ANXA8: variants seen among roughly 807,000 people sequenced by gnomAD.
The protein encoded by ANXA8 is VAC-beta.
ANXA8 carries 9 observed loss-of-function variants against 26.8 expected under a neutral mutation model. The ratio of observed to expected loss-of-function variants is 0.34; its 90% CI spans 0.20 to 0.59. The LOEUF (loss-of-function observed/expected upper bound fraction) is 0.59. Ranked by LOEUF, ANXA8 falls within the 20% of genes least tolerant of loss-of-function variation. The pLI is 0.84. For missense variants in ANXA8, 83 were observed against 238.5 expected (o/e 0.35, Z 4.29); for synonymous variants, 39 against 94.8 (o/e 0.41, Z 3.42).
chr10:47,558,529 A>ATGTGTGTGTG, the ANXA8 span, among the ~76,000 whole-genome samples: 295 of 141,576 alleles, frequency 2.1e-3, 1 homozygote, highest in Middle Eastern at 3.5e-3. Context: ...GGGTTTTAAG[A>ATGTGTGTGTG]TGTGTGTGTG....
At chr10:47,626,211 C>T in the ANXA8 span, among the ~76,000 whole-genome samples, 1 of 149,892 alleles carries the variant, frequency 6.7e-6, no homozygotes, top group South Asian at 2.1e-4. Flanking sequence ...TATTTCTTAG[C>T]ATAAAGGATA....
At chr10:47,590,190 C>T in the ANXA8 span, 1 of 146,748 alleles carries the variant, frequency 6.8e-6, no homozygotes, top group Non-Finnish European at 1.5e-5. Flanking sequence ...CATGTTCCAC[C>T]ACCTGCCTGA....
chr10:47,973,022 A>G, the ANXA8 span: 1 of 149,528 alleles, frequency 6.7e-6, no homozygotes, highest in African/African-American at 2.4e-5. Context: ...TGGGGAGGGT[A>G]TATAGGCAAT....
At chr10:47,656,053 G>A in the ANXA8 span, among the ~76,000 whole-genome samples, 1 of 151,584 alleles carries the variant, frequency 6.6e-6, no homozygotes, top group African/African-American at 2.4e-5. Context: ...AAAGGCAGGT[G>A]GTAGCAGATA....
At chr10:47,589,936 G>GATAGATAT in the ANXA8 span, among the ~76,000 whole-genome samples, 1 of 144,908 alleles carries the variant, frequency 6.9e-6, no homozygotes, top group Non-Finnish European at 1.5e-5. Flanking sequence ...TAGATAGATA[G>GATAGATAT]ATAGATAGAT....
chr10:47,882,275 CT>C, the ANXA8 span, among the ~76,000 whole-genome samples: 1 of 55,774 alleles, frequency 1.8e-5, no homozygotes, highest in African/African-American at 5.9e-5. Context: ...TCATGAGTTG[CT>C]GTAAAAAAGG....
chr10:47,658,948 T>G, the ANXA8 span, among the ~76,000 whole-genome samples: 2 of 149,536 alleles, frequency 1.3e-5, no homozygotes, highest in Middle Eastern at 3.4e-3. Context: ...CTCGGCTCAC[T>G]GCAAGCTCCG....
chr10:47,520,755 GGAGGCT>G, the ANXA8 span, among the ~76,000 whole-genome samples: 1 of 97,618 alleles, frequency 1.0e-5, no homozygotes, highest in Non-Finnish European at 1.9e-5. Flanking sequence ...CAGCTACTCA[GGAGGCT>G]GAGATGGGAA....
At chr10:47,504,846 CTTTTTTTTTTT>C in the ANXA8 span, among the ~76,000 whole-genome samples, 4 of 46,840 alleles carry the variant, frequency 8.5e-5, no homozygotes, top group Admixed American at 2.4e-4. Context: ...CATAACTGTT[CTTTTTTTTTTT>C]TTTTTTTTTT....
the ANXA8 span, among the ~76,000 whole-genome samples, chr10:47,649,968 G>A: frequency 6.6e-6 from 1 of 151,004 alleles, no homozygotes; most frequent in Non-Finnish European, 1.5e-5. Context: ...AACACTTTGG[G>A]AGGCCAAAGT....
At chr10:47,899,133 C>A in the ANXA8 span, among the ~76,000 whole-genome samples, 1 of 151,508 alleles carries the variant, frequency 6.6e-6, no homozygotes, top group East Asian at 2.0e-4. Context: ...CCATTGTGCC[C>A]CGCTGAAGAG....
At chr10:47,959,867 G>A in the ANXA8 span, among the ~76,000 whole-genome samples, 1 of 151,502 alleles carries the variant, frequency 6.6e-6, no homozygotes, top group Non-Finnish European at 1.5e-5. Context: ...CTAAGAGGCT[G>A]TCAGCTTCCA....
the ANXA8 span, among the ~76,000 whole-genome samples, chr10:47,742,990 TAAAA>T: frequency 3.2e-3 from 297 of 91,490 alleles, no homozygotes; most frequent in African/African-American, 0.011. Context: ...CCGTCTCTAC[TAAAA>T]AAAAAAAAAA....
At chr10:47,596,885 A>G in the ANXA8 span, among the ~76,000 whole-genome samples, 2 of 148,102 alleles carry the variant, frequency 1.4e-5, no homozygotes, top group African/African-American at 2.6e-5. Context: ...CGAGGATGAG[A>G]GATTCTCCTC....
chr10:47,959,149 G>A, the ANXA8 span, among the ~76,000 whole-genome samples: 4 of 146,184 alleles, frequency 2.7e-5, 1 homozygote, highest in African/African-American at 1.1e-4. Flanking sequence ...GGTAGGGGGA[G>A]AACATGGGGG....
chr10:47,958,393 C>A, the ANXA8 span, among the ~76,000 whole-genome samples: 1 of 147,076 alleles, frequency 6.8e-6, no homozygotes. Context: ...GCAGGAAAAT[C>A]ATTTAAACCT....
Position 47,481,827 on chromosome 10 carries a change from C to T in ANXA8, c.22-1939G>A, listed in dbSNP as rs1412836985. Among the ~76,000 whole-genome samples, 8 of 146,048 alleles carry T rather than the reference C, an allele frequency of 5.5e-5. No homozygotes were observed. The Admixed American group carries it at 5.5e-4, about 10-fold the overall frequency. ...CTCCTGCTGAGAAGGAAGGGTCAGC[C>T]TCAGGCTCCTGCAGGGTCTTGCCCA... On this transcript the variant is annotated intron_variant, in intron 1 of 11. Coordinates refer to ENST00000585281, the MANE Select transcript of ANXA8 (RefSeq NM_001040084.3).
chr10:47,894,350 A>AAC, the ANXA8 span, among the ~76,000 whole-genome samples: 3 of 139,830 alleles, frequency 2.1e-5, no homozygotes, highest in African/African-American at 8.5e-5. Context: ...TCTCCACTCA[A>AAC]ACACACACAC....
chr10:47,544,082 G>C, the ANXA8 span, among the ~76,000 whole-genome samples: 2 of 151,712 alleles, frequency 1.3e-5, no homozygotes, highest in Non-Finnish European at 2.9e-5. Flanking sequence ...AGGCACGCAC[G>C]AAGGACTCCA....
Sources: allele counts gnomAD v4.1 joint callset (sites outside exome capture counted in the v4.1 genomes callset), GRCh38; gene constraint gnomAD v4.1.1; transcripts MANE v1.5; gene names NCBI Gene and HGNC (gene_info 2026-07-23, HGNC 2026-07-21).